FAM120B: variants seen among roughly 807,000 people sequenced by gnomAD.
The protein encoded by FAM120B is constitutive coactivator of peroxisome proliferator-activated receptor gamma.
In FAM120B, 83 loss-of-function variants were observed where a neutral mutation model predicts 96.3. That is an observed-to-expected ratio of 0.86 (90% CI 0.72 to 1.03). The LOEUF is 1.03. FAM120B is among the 50% of genes least tolerant of loss of function. FAM120B has a pLI of 0.00. For missense variants in FAM120B, 1,027 were observed against 1,121.2 expected, an observed-to-expected ratio of 0.92 and a Z score of 1.20; for synonymous variants, 407 against 402.7, an observed-to-expected ratio of 1.01 and a Z score of -0.13.
At chr6:170,330,963 C>G (rs1465227965) in intron 4 of FAM120B, 1 of 164,036 alleles carries the variant, frequency 6.1e-6, no homozygotes, top group Non-Finnish European at 1.3e-5. Flanking sequence ...ATCTTACCTT[C>G]TCCCCACCAC....
chr6:170,387,908 CT>C (rs1790276604), intron 6 of FAM120B, among the ~76,000 whole-genome samples: 1 of 152,198 alleles, frequency 6.6e-6, no homozygotes, highest in Admixed American at 6.5e-5. Context: ...ATCATGTGAG[CT>C]TTTTCCTAGT....
chr6:170,336,706 C>T (rs1473711225), intron 4 of FAM120B, among the ~76,000 whole-genome samples: 1 of 152,052 alleles, frequency 6.6e-6, no homozygotes, highest in African/African-American at 2.4e-5. Flanking sequence ...CTCTTATTTC[C>T]TTGAGCAGTG....
intron 6 of FAM120B, among the ~76,000 whole-genome samples, chr6:170,368,299 C>T (rs953560488): frequency 3.3e-5 from 5 of 152,240 alleles, no homozygotes; most frequent in African/African-American, 4.8e-5. Context: ...TTCCTGTCTT[C>T]TCACCAGACA....
At chr6:170,329,559 G>A (rs1583210262) in intron 3 of FAM120B, among the ~76,000 whole-genome samples, 1 of 151,984 alleles carries the variant, frequency 6.6e-6, no homozygotes, top group Non-Finnish European at 1.5e-5. Context: ...CTGCAAAGTC[G>A]AGTGCTGGAG....
intron 6 of FAM120B, among the ~76,000 whole-genome samples, chr6:170,376,951 C>G (rs1029507071): frequency 1.5e-5 from 2 of 130,440 alleles, no homozygotes; most frequent in Non-Finnish European, 3.2e-5. Context: ...TGGGAGAGCA[C>G]GAGCTCAGGG....
chr6:170,316,826 G>C (rs143063987), intron 1 of FAM120B, among the ~76,000 whole-genome samples: 1 of 152,306 alleles, frequency 6.6e-6, no homozygotes, highest in East Asian at 1.9e-4. Flanking sequence ...TCCCGCCACT[G>C]TCTGTCCCCA....
intron 1 of FAM120B, among the ~76,000 whole-genome samples, chr6:170,309,324 A>G (rs372793091): frequency 6.6e-6 from 1 of 152,344 alleles, no homozygotes. Context: ...AAATTTCCCT[A>G]ATATGAGAAG....
chr6:170,379,183 G>A (rs893698930), intron 6 of FAM120B, among the ~76,000 whole-genome samples: 2 of 152,140 alleles, frequency 1.3e-5, no homozygotes, highest in African/African-American at 4.8e-5. Context: ...TCTGAGACAG[G>A]AAAAAATATA....
At chr6:170,327,356 TTATAGAG>T (rs1475769374) in intron 3 of FAM120B, among the ~76,000 whole-genome samples, 1 of 152,218 alleles carries the variant, frequency 6.6e-6, no homozygotes, top group African/African-American at 2.4e-5. Context: ...AACTTGAATT[TTATAGAG>T]TATAATTTTC....
upstream of FAM120B, among the ~76,000 whole-genome samples, chr6:170,293,740 TCTC>T (rs935307059): frequency 2.5e-4 from 38 of 150,714 alleles, no homozygotes; most frequent in African/African-American, 9.3e-4. Flanking sequence ...TCCTCCTTCT[TCTC>T]CTTCTTCCTC....
chr6:170,355,743 TA>T (rs2115174526), intron 5 of FAM120B, among the ~76,000 whole-genome samples: 1 of 152,328 alleles, frequency 6.6e-6, no homozygotes, highest in South Asian at 2.1e-4. Context: ...GAAAAAAATG[TA>T]AAAAGATATT....
At chr6:170,359,364 A>G (rs972127985) in intron 6 of FAM120B, among the ~76,000 whole-genome samples, 11 of 151,448 alleles carry the variant, frequency 7.3e-5, no homozygotes, top group Admixed American at 1.3e-4. Context: ...TTGCACTCCA[A>G]CCTGGGCAAC....
chr6:170,300,385 G>A (rs936624675), intron 1 of FAM120B, among the ~76,000 whole-genome samples: 13 of 152,154 alleles, frequency 8.5e-5, no homozygotes, highest in Admixed American at 2.0e-4. Flanking sequence ...TAACCTCCCA[G>A]AAACTTCCTC....
rs76906139 is a variant in FAM120B at position 170,351,018 on chromosome 6, T to C, written c.2190+2695T>C. Among the ~76,000 whole-genome samples the C allele has an allele frequency of 0.01, 1,563 of 152,274 alleles. 66 individuals are homozygous for C. In the East Asian group the frequency reaches 0.1, roughly 10 times the overall value. ...CGGAGCTAAAGGAGCATGTTGTAAT[T>C]CAATGCAAAGAAGCTAAGAAATATG... On this transcript the variant is annotated intron_variant, in intron 5 of 10. Coordinates refer to ENST00000476287, the MANE Select transcript of FAM120B (RefSeq NM_032448.3).
chr6:170,346,764 T>C (rs895958749), intron 4 of FAM120B, among the ~76,000 whole-genome samples: 1 of 152,134 alleles, frequency 6.6e-6, no homozygotes, highest in Non-Finnish European at 1.5e-5. Context: ...TCTTAGTTCA[T>C]GGGGTGCATA....
upstream of FAM120B, among the ~76,000 whole-genome samples, chr6:170,294,172 A>G (rs1027145627): frequency 6.6e-6 from 1 of 152,220 alleles, no homozygotes; most frequent in Non-Finnish European, 1.5e-5. The surrounding 1 kb of genome is among the most constrained non-coding windows in gnomAD (Gnocchi z 7.9). Flanking sequence ...GGCTTGCCTC[A>G]GTGTTGGCCC....
intron 1 of FAM120B, among the ~76,000 whole-genome samples, chr6:170,313,566 C>T (rs1784726107): frequency 6.6e-6 from 1 of 152,212 alleles, no homozygotes; most frequent in African/African-American, 2.4e-5. Context: ...GCTTACTCTC[C>T]ATTAGAGTAC....
intron 1 of FAM120B, among the ~76,000 whole-genome samples, chr6:170,313,234 C>G (rs1467752065): frequency 6.6e-6 from 1 of 152,164 alleles, no homozygotes; most frequent in Non-Finnish European, 1.5e-5. Flanking sequence ...AAATATTAAT[C>G]TCTTGGGATT....
intron 9 of FAM120B, among the ~76,000 whole-genome samples, chr6:170,400,982 AG>A (rs1778548288): frequency 6.6e-6 from 1 of 152,214 alleles, no homozygotes; most frequent in Admixed American, 6.5e-5. Flanking sequence ...CTAGACCAAA[AG>A]AACCCCCTTC....
Sources: allele counts gnomAD v4.1 joint callset (sites outside exome capture counted in the v4.1 genomes callset), GRCh38; gene constraint gnomAD v4.1.1; non-coding constraint Gnocchi (gnomAD v3.1); transcripts MANE v1.5; gene names NCBI Gene and HGNC (gene_info 2026-07-23, HGNC 2026-07-21).